Variants in ITGB4 observed in about 807,000 individuals in gnomAD.
ITGB4 encodes the protein integrin beta-4.
Under a neutral mutation model 207.6 loss-of-function variants are expected in ITGB4, and 159 were observed. The ratio of observed to expected loss-of-function variants is 0.77; its 90% CI spans 0.67 to 0.87. ITGB4 has a LOEUF of 0.87. ITGB4 is among the 40% of genes least tolerant of loss of function. The pLI, the probability that ITGB4 is intolerant of heterozygous loss-of-function variation, is 0.00. For missense variants in ITGB4, 2,278 were observed against 2,546.8 expected (o/e 0.89, Z 2.27); for synonymous variants, 1,020 against 1,062.7 (o/e 0.96, Z 0.78).
intron 6 of ITGB4, among the ~76,000 whole-genome samples, chr17:75,728,675 C>T (rs1040140579): frequency 6.6e-6 from 1 of 152,070 alleles, no homozygotes; most frequent in African/African-American, 2.4e-5. Context: ...ATGGCAAAAC[C>T]CCATCTCTAC....
rs373930132 is a variant in ITGB4 at position 75,756,809 on chromosome 17, A to G, written c.5003A>G (p.Asn1668Ser). 17 of 1,612,528 alleles carry G rather than the reference A, an allele frequency of 1.1e-5. No homozygotes were observed. Among genetic ancestry groups the G allele is most frequent in the East Asian group, 2.2e-5 (1 of 44,878 alleles). ...AGCTGGGAGCGGCCACGGAGGCCCA[A>G]TGGGGATATCGTCGGCTACCTGGTG... is the stretch of plus-strand genomic sequence containing the variant. Reference protein sequence around the residue: ...QLSWERPRRPNGDIVGYLVTC... With the variant: ...QLSWERPRRPSGDIVGYLVTC... The change falls in exon 37 of 40, where the codon AAT (asparagine) becomes AGT (serine). Residue 1668 changes from asparagine to serine, a missense_variant. Physicochemically the swap from Asn to Ser is conservative, Grantham distance 46. Coordinates refer to ENST00000200181, the MANE Select transcript of ITGB4 (RefSeq NM_000213.5).
intron 13 of ITGB4, among the ~76,000 whole-genome samples, chr17:75,734,538 G>A (rs918365557): frequency 6.6e-6 from 1 of 152,124 alleles, no homozygotes; most frequent in East Asian, 1.9e-4. Context: ...GTCTGGCCAG[G>A]AACATCAGAG....
intron 1 of ITGB4, among the ~76,000 whole-genome samples, chr17:75,723,989 G>C (rs1378203363): frequency 6.6e-6 from 1 of 152,258 alleles, no homozygotes; most frequent in East Asian, 1.9e-4. Flanking sequence ...GACGCCTTGA[G>C]GGGAGCCACA....
In ITGB4 at chr17:75,752,251, T is replaced by A. The variant is rs2061384161; in HGVS notation, c.3871T>A (p.Ser1291Thr). Residue 1291 changes from serine (S) to threonine (T), a missense_variant, in exon 31 of 40, where the codon TCC (serine) becomes ACC (threonine). Transcript: ENST00000200181. ...RMLLIENLRE[S>T]QPYRYTVKAR... ...GCTGCTTATTGAGAACCTTCGGGAG[T>A]CCCAGCCCTACCGCTACACGGTGAA... 2 of 1,613,332 alleles carry A rather than the reference T, an allele frequency of 1.2e-6. No homozygotes were observed. The highest frequency in any genetic ancestry group is 8.5e-7 in the Non-Finnish European group (1 of 1,180,000).
chr17:75,744,145 A>C (rs1599279398), intron 26 of ITGB4, among the ~76,000 whole-genome samples: 2 of 125,346 alleles, frequency 1.6e-5, no homozygotes, highest in East Asian at 4.9e-4. Flanking sequence ...TTTGAGACAG[A>C]GTTTCGCTCT....
intron 32 of ITGB4, 33 bp from the exon 33 acceptor site, chr17:75,753,732 G>A (rs765012277): frequency 1.5e-6 from 2 of 1,356,496 alleles, no homozygotes; most frequent in Non-Finnish European, 1.9e-6. Context: ...GCGCCCCCCG[G>A]CGGTGCCAAC....
In ITGB4 at chr17:75,729,039, T is replaced by C. The variant is rs563189778; in HGVS notation, c.567-226T>C. ...CAGGTGTGGTGGTGGGCGCCTGTAA[T>C]TCCAGCTACTTGGGAGGCTGAGGCA... is the stretch of plus-strand genomic sequence containing the variant. On this transcript the variant is annotated intron_variant, in intron 6 of 39. Coordinates refer to ENST00000200181, the MANE Select transcript of ITGB4 (RefSeq NM_000213.5). This position sits in a 1 kb window ranked among gnomAD's most constrained non-coding sequence, Gnocchi z 4.4. Among the ~76,000 whole-genome samples, 18 of 149,608 alleles carry C rather than the reference T, an allele frequency of 1.2e-4. No individual in the cohort carries two copies. Among genetic ancestry groups the C allele is most frequent in the African/African-American group, 4.2e-4 (17 of 40,620 alleles).
At position 75,753,919 on chromosome 17, in the gene ITGB4, C is replaced by G. The variant is rs1241199098; in HGVS notation, c.4263C>G (p.Gly1421=). 6 of 1,286,066 alleles carry G rather than the reference C, an allele frequency of 4.7e-6. No homozygotes were observed. The highest frequency in any genetic ancestry group is 5.9e-6 in the Non-Finnish European group (6 of 1,023,124). The allele number at this position is 1,286,066 out of a possible 1,614,324, so 79.7% of individuals were successfully genotyped here. ...EAPHGPPDDG[G]AGGKGGSLPR... is the part of the protein sequence containing the mutation. ...CCCACGGGCCCCCGGACGACGGCGG[C>G]GCGGGCGGGAAGGGCGGCAGCCTGC... The change falls in exon 33 of 40, where the codon GGC becomes GGG. Residue 1421 remains glycine, a synonymous_variant. Coordinates refer to ENST00000200181, the MANE Select transcript of ITGB4 (RefSeq NM_000213.5).
chr17:75,723,251 G>A (rs1007536571), intron 1 of ITGB4, among the ~76,000 whole-genome samples: 3 of 152,114 alleles, frequency 2.0e-5, no homozygotes, highest in South Asian at 4.1e-4. Flanking sequence ...ATCATCTCCC[G>A]CCGGGCTCCT....
At position 75,750,778 on chromosome 17, in the gene ITGB4, C is replaced by G. The variant is rs1440105943; in HGVS notation, c.3573C>G (p.Asp1191Glu). ...VELTNLYPYC[D>E]YEMKVCAYGA... is the part of the protein sequence containing the mutation. ...TCACCAACCTGTACCCGTATTGCGA[C>G]TATGAGATGAAGGTGTGCGCCTACG... Residue 1191 changes from aspartate (D) to glutamate (E), a missense_variant, in exon 29 of 40, where the codon GAC (aspartate) becomes GAG (glutamate). Physicochemically the swap from Asp to Glu is conservative, Grantham distance 45. Coordinates refer to ENST00000200181, the MANE Select transcript of ITGB4 (RefSeq NM_000213.5). The surrounding 1 kb of genome is among the most constrained non-coding windows in gnomAD (Gnocchi z 5.5). The G allele has an allele frequency of 2.5e-6, 4 of 1,613,606 alleles. No individual in the cohort carries two copies. Among genetic ancestry groups the G allele is most frequent in the Non-Finnish European group, 3.4e-6 (4 of 1,180,034 alleles).
Position 75,740,872 on chromosome 17 carries a change from G to C in ITGB4, c.2609+21G>C, listed in dbSNP as rs751830531. ...TTCCGGTGAGTCCCGGGGTGCCCGG[G>C]TTGGGTGGGGGAGCCGCTCCTACCG... On this transcript the variant is annotated intron_variant, in intron 22 of 39. Transcript: ENST00000200181. This position sits in a 1 kb window ranked among gnomAD's most constrained non-coding sequence, Gnocchi z 5.9. 1 of 1,613,598 alleles carries C rather than the reference G, an allele frequency of 6.2e-7. No individual in the cohort carries two copies. The highest frequency in any genetic ancestry group is 2.2e-5 in the East Asian group (1 of 44,888).
rs757220769 is a variant in ITGB4 at position 75,739,628 on chromosome 17, GGGC to G, written c.2221-43_2221-41del. On this transcript the variant is annotated intron_variant, in intron 18 of 39. Transcript: ENST00000200181. This position sits in a 1 kb window ranked among gnomAD's most constrained non-coding sequence, Gnocchi z 5.4. ...TGGCTGGAAGGGCTTACCTGGGCCA[GGGC>G]AGCTGTCTCAGGCCTCACCCTCACC... The G allele has an allele frequency of 6.2e-7, 1 of 1,613,374 alleles. No individual in the cohort carries two copies. Among genetic ancestry groups the G allele is most frequent in the South Asian group, 1.1e-5 (1 of 91,074 alleles).
Position 75,739,879 on chromosome 17 carries a change from G to A in ITGB4, c.2255-1G>A. 6.2e-7 allele frequency: 1 copy of A among 1,613,594 alleles called. No individual in the cohort carries two copies. ...GCCGTGCTGAGGACCCCATCCTGCA[G>A]GTCACATGGTGGGCTTTAAGGAAGA... On this transcript the variant is annotated splice_acceptor_variant, in intron 19 of 39. Coordinates refer to ENST00000200181, the MANE Select transcript of ITGB4 (RefSeq NM_000213.5). LOFTEE classifies it high-confidence loss of function. The surrounding 1 kb of genome is among the most constrained non-coding windows in gnomAD (Gnocchi z 5.4).
In ITGB4 at chr17:75,748,844, T is replaced by G. The variant is rs967240361; in HGVS notation, c.3115T>G (p.Tyr1039Asp). 6.2e-7 allele frequency: 1 copy of G among 1,608,758 alleles called. No homozygotes were observed. Among genetic ancestry groups the G allele is most frequent in the African/African-American group, 1.3e-5 (1 of 74,892 alleles). The change falls in exon 27 of 40, where the codon TAC (tyrosine) becomes GAC (aspartate). Residue 1039 changes from tyrosine (Y) to aspartate (D), a missense_variant. Transcript: ENST00000200181. ...QDGTAQGNRD[Y>D]IPVEGELLFQ... is the part of the protein sequence containing the mutation. ...CCCTGACCCCCTCCACTCCCAGGAC[T>G]ACATCCCCGTGGAGGGTGAGCTGCT...
chr17:75,736,641 GC>G lies in ITGB4; in HGVS notation c.1938del (p.Thr647ArgfsTer122), dbSNP rs1444226078. 2 of 1,600,156 alleles carry G rather than the reference GC, an allele frequency of 1.2e-6. No homozygotes were observed. Among genetic ancestry groups the G allele is most frequent in the East Asian group, 4.5e-5 (2 of 44,444 alleles). ...QAWGTGEKKG[R>X]TCEECNFKVK... ...TGGGGCACCGGCGAGAAGAAGGGGC[GC>G]ACGTGTGAGGAATGCAACTTCAAGG... On this transcript the variant is annotated frameshift_variant, in exon 16 of 40. Transcript: ENST00000200181. LOFTEE classifies it high-confidence loss of function.
intron 2 of ITGB4, among the ~76,000 whole-genome samples, chr17:75,726,343 C>A (rs2060716246): frequency 6.6e-6 from 1 of 152,020 alleles, no homozygotes. Flanking sequence ...GGAGGATTGC[C>A]TGAGCCCAGG....
chr17:75,728,266 A>G, intron 5 of ITGB4, 111 bp from the exon 6 acceptor site: 1 of 845,208 alleles, frequency 1.2e-6, no homozygotes, highest in Admixed American at 1.9e-5. Context: ...TCCAGCATGC[A>G]AAGCGTTAAC....
At position 75,750,815 on chromosome 17, in the gene ITGB4, G is replaced by C. The variant is rs749103392; in HGVS notation, c.3610G>C (p.Glu1204Gln). 1.2e-6 allele frequency: 2 copies of C among 1,613,424 alleles called. No homozygotes were observed. The highest frequency in any genetic ancestry group is 1.7e-6 in the Non-Finnish European group (2 of 1,180,002). ...GGTGTGCGCCTACGGGGCTCAGGGC[G>C]AGGGACCCTACAGCTCCCTGGTGTC... ...MKVCAYGAQGEGPYSSLVSCR... is the reference protein window; with the variant it reads ...MKVCAYGAQGQGPYSSLVSCR... The change falls in exon 29 of 40, where the codon GAG becomes CAG. Residue 1204 changes from glutamate to glutamine, a missense_variant. By Grantham distance (29) the Glu-to-Gln change is conservative (BLOSUM62 2). Coordinates refer to ENST00000200181, the MANE Select transcript of ITGB4 (RefSeq NM_000213.5). This position sits in a 1 kb window ranked among gnomAD's most constrained non-coding sequence, Gnocchi z 5.5.
Position 75,752,256 on chromosome 17 carries a change from G to A in ITGB4, c.3876G>A (p.Gln1292=), listed in dbSNP as rs780330523. 6.2e-7 allele frequency: 1 copy of A among 1,613,576 alleles called. No homozygotes were observed. Among genetic ancestry groups the A allele is most frequent in the Non-Finnish European group, 8.5e-7 (1 of 1,180,032 alleles). Residue 1292 remains glutamine (Q), a synonymous_variant, in exon 31 of 40, where the codon CAG becomes CAA. Coordinates refer to ENST00000200181, the MANE Select transcript of ITGB4 (RefSeq NM_000213.5). ...TTATTGAGAACCTTCGGGAGTCCCA[G>A]CCCTACCGCTACACGGTGAAGGCGC... ...MLLIENLRES[Q]PYRYTVKARN...
Sources: allele counts gnomAD v4.1 joint callset (sites outside exome capture counted in the v4.1 genomes callset), GRCh38; gene constraint gnomAD v4.1.1; non-coding constraint Gnocchi (gnomAD v3.1); transcripts MANE v1.5; gene names NCBI Gene and HGNC (gene_info 2026-07-23, HGNC 2026-07-21).